Variants in KIF13A observed in about 807,000 individuals in gnomAD.
The protein encoded by KIF13A is kinesin-like protein KIF13A.
KIF13A carries 79 observed loss-of-function variants against 212.2 expected under a neutral mutation model. That is an observed-to-expected ratio of 0.37 (90% confidence interval 0.31 to 0.45). The LOEUF (loss-of-function observed/expected upper bound fraction) is 0.45, where lower values mean the gene tolerates loss of function less well. Ranked by LOEUF, KIF13A falls within the 20% of genes least tolerant of loss-of-function variation. The probability of loss-of-function intolerance (pLI) is 1.00; values close to 1 mark genes in which losing one functional copy is unlikely to be tolerated. For synonymous variants in KIF13A, 789 were observed against 808.6 expected (o/e 0.98, Z 0.41); for missense variants, 1,901 against 2,209.0 (o/e 0.86, Z 2.79).
chr6:17,780,279 T>C (rs1760443539), intron 31 of KIF13A, among the ~76,000 whole-genome samples: 1 of 152,184 alleles, frequency 6.6e-6, no homozygotes, highest in Admixed American at 6.5e-5. Flanking sequence ...TCTCCAGGGC[T>C]TAATCAGTCT....
rs1338865289 is a variant in KIF13A at position 17,871,091 on chromosome 6, T to C, written c.220+2286A>G. ...CCTTGACACATGTCACTTCCTCTTG[T>C]CTGGATGCCTTCTAGGCTTCCCTTT... On this transcript the variant is annotated intron_variant, in intron 4 of 38. Coordinates refer to ENST00000259711, the MANE Select transcript of KIF13A (RefSeq NM_022113.6). This position sits in a 1 kb window ranked among gnomAD's most constrained non-coding sequence, Gnocchi z 4.4. Among the ~76,000 whole-genome samples, 1 of 152,250 alleles carries C rather than the reference T, an allele frequency of 6.6e-6. No homozygotes were observed. Among genetic ancestry groups the C allele is most frequent in the African/African-American group, 2.4e-5 (1 of 41,462 alleles).
chr6:17,770,308 G>A (rs1759372394), intron 38 of KIF13A: 2 of 147,736 alleles, frequency 1.4e-5, no homozygotes, highest in African/African-American at 4.9e-5. Flanking sequence ...ACAGGAGAGT[G>A]AAAGCTGAGA....
rs533953419 is a variant in KIF13A at position 17,851,613 on chromosome 6, C to A, written c.582+342G>T. Among the ~76,000 whole-genome samples the A allele has an allele frequency of 3.9e-5, 6 of 152,328 alleles. No homozygotes were observed. The South Asian group carries it at 8.3e-4, about 21-fold the overall frequency. Reference sequence around the variant, plus strand: ...AGGAGACCCTGCCAAAAAGAAAGGGCTGTACTAACTGCCAAATACTGTTTA... The same window carrying A: ...AGGAGACCCTGCCAAAAAGAAAGGGATGTACTAACTGCCAAATACTGTTTA... On this transcript the variant is annotated intron_variant, in intron 7 of 38. Transcript: ENST00000259711.
At position 17,836,858 on chromosome 6, in the gene KIF13A, G is replaced by C. The variant is rs770276135; in HGVS notation, c.1155+20C>G. 1.2e-6 allele frequency: 2 copies of C among 1,608,658 alleles called. No homozygotes were observed. The highest frequency in any genetic ancestry group is 1.7e-6 in the Non-Finnish European group (2 of 1,175,700). On this transcript the variant is annotated intron_variant, in intron 11 of 38. Transcript: ENST00000259711. ...CAAGCCAGGGAACTTTACCAGCAGG[G>C]AGTACCAGGCTGCTTTTACCTCTGC...
At position 17,926,285 on chromosome 6, in the gene KIF13A, G is replaced by A. The variant is rs535857989; in HGVS notation, c.147-28105C>T. On this transcript the variant is annotated intron_variant, in intron 2 of 38. Coordinates refer to ENST00000259711, the MANE Select transcript of KIF13A (RefSeq NM_022113.6). This position sits in a 1 kb window ranked among gnomAD's most constrained non-coding sequence, Gnocchi z 4.3. ...CTCACTCTGTCACCCAGACTGGAAT[G>A]CAGTGGCACAATCTTGGCTCACTGC... Among the ~76,000 whole-genome samples, 62 of 152,292 alleles carry A rather than the reference G, an allele frequency of 4.1e-4. No homozygotes were observed. The highest frequency in any genetic ancestry group is 7.1e-4 in the Non-Finnish European group (48 of 68,026).
At position 17,951,724 on chromosome 6, in the gene KIF13A, C is replaced by T. The variant is rs1581831109; in HGVS notation, c.146+35330G>A. ...CAATGGAATCATACAATACATGGTT[C>T]CTTATGACTGCTTATTTCACTTAAT... On this transcript the variant is annotated intron_variant, in intron 2 of 38. Coordinates refer to ENST00000259711, the MANE Select transcript of KIF13A (RefSeq NM_022113.6). The surrounding 1 kb of genome is among the most constrained non-coding windows in gnomAD (Gnocchi z 4.9). Among the ~76,000 whole-genome samples the T allele has an allele frequency of 6.6e-6, 1 of 152,218 alleles. No homozygotes were observed. Among genetic ancestry groups the T allele is most frequent in the African/African-American group, 2.4e-5 (1 of 41,530 alleles).
chr6:17,980,358 C>T (rs1056704607), intron 2 of KIF13A, among the ~76,000 whole-genome samples: 7 of 152,114 alleles, frequency 4.6e-5, no homozygotes, highest in Non-Finnish European at 8.8e-5. Flanking sequence ...GAAGGATGTG[C>T]TCTACAAAAT....
chr6:17,976,318 G>A (rs1281757043), intron 2 of KIF13A, among the ~76,000 whole-genome samples: 2 of 152,238 alleles, frequency 1.3e-5, no homozygotes, highest in Non-Finnish European at 1.5e-5. Context: ...GCTGCAGGTC[G>A]CGAGCCCTGC....
intron 4 of KIF13A, among the ~76,000 whole-genome samples, chr6:17,866,190 C>G (rs610901): frequency 0.4 from 60,708 of 152,020 alleles, 12,936 homozygotes; most frequent in East Asian, 0.58. Flanking sequence ...GACAAAGAAG[C>G]AGACCCAACT....
At chr6:17,815,142 G>A (rs533568291) in intron 17 of KIF13A, among the ~76,000 whole-genome samples, 1 of 152,372 alleles carries the variant, frequency 6.6e-6, no homozygotes, top group African/African-American at 2.4e-5. Context: ...CGGAGACAGA[G>A]AGAGGACAGC....
rs1779825040 is a variant in KIF13A, at chr6:17,971,736, T to C, written c.146+15318A>G. The stretch of plus-strand genomic sequence containing the variant: ...CACCACGTCCGGCTTGCTCTTGTTT[T>C]AGTGTGATTACTCGGCATATTTAAA... On this transcript the variant is annotated intron_variant, in intron 2 of 38. Transcript: ENST00000259711. This position sits in a 1 kb window ranked among gnomAD's most constrained non-coding sequence, Gnocchi z 4.2. 6.6e-6 allele frequency among the ~76,000 whole-genome samples: 1 copy of C among 152,200 alleles called. No individual in the cohort carries two copies. The highest frequency in any genetic ancestry group is 6.5e-5 in the Admixed American group (1 of 15,280).
intron 2 of KIF13A, among the ~76,000 whole-genome samples, chr6:17,978,296 TA>T (rs1206744414): frequency 1.3e-5 from 2 of 152,250 alleles, no homozygotes; most frequent in Non-Finnish European, 2.9e-5. Context: ...TGTTGAGTGG[TA>T]AAACACCAAA....
At chr6:17,778,431 A>G (rs1334288413) in intron 33 of KIF13A, among the ~76,000 whole-genome samples, 1 of 152,086 alleles carries the variant, frequency 6.6e-6, no homozygotes, top group Non-Finnish European at 1.5e-5. Flanking sequence ...GAAATGACAT[A>G]TCTTATCTTA....
At position 17,897,800 on chromosome 6, in the gene KIF13A, C is replaced by T. The variant is rs923661843; in HGVS notation, c.159+368G>A. ...CTTACCATAGTTGTTCCTCCACATT[C>T]TAGGCTGTTGATACTGTGCAGTCCC... On this transcript the variant is annotated intron_variant, in intron 3 of 38. Transcript: ENST00000259711. This position sits in a 1 kb window ranked among gnomAD's most constrained non-coding sequence, Gnocchi z 4.8. 1.3e-5 allele frequency among the ~76,000 whole-genome samples: 2 copies of T among 152,202 alleles called. No individual in the cohort carries two copies. The highest frequency in any genetic ancestry group is 4.8e-5 in the African/African-American group (2 of 41,456).
Position 17,768,451 on chromosome 6 carries a change from C to T in KIF13A, c.4581+2663G>A, listed in dbSNP as rs1169657942. On this transcript the variant is annotated intron_variant, in intron 38 of 38. Transcript: ENST00000259711. This position sits in a 1 kb window ranked among gnomAD's most constrained non-coding sequence, Gnocchi z 5.4. Reference sequence around the variant, plus strand: ...GTTTCCTTCATTAATGCAATTTCCACTCCTATTATAATCATGTCGTGCTGT... The same window carrying T: ...GTTTCCTTCATTAATGCAATTTCCATTCCTATTATAATCATGTCGTGCTGT... Among the ~76,000 whole-genome samples, 1 of 152,216 alleles carries T rather than the reference C, an allele frequency of 6.6e-6. No homozygotes were observed. Among genetic ancestry groups the T allele is most frequent in the African/African-American group, 2.4e-5 (1 of 41,466 alleles).
intron 2 of KIF13A, among the ~76,000 whole-genome samples, chr6:17,910,751 G>A (rs77233000): frequency 0.055 from 8,395 of 152,054 alleles, 270 homozygotes; most frequent in Middle Eastern, 0.085. Flanking sequence ...TAAATTCAAG[G>A]TTTTTTTTGG....
chr6:17,877,754 GA>G (rs1196755387), intron 3 of KIF13A, among the ~76,000 whole-genome samples: 1 of 150,608 alleles, frequency 6.6e-6, no homozygotes, highest in South Asian at 2.1e-4. Flanking sequence ...GAATTTCAGT[GA>G]CATGCGTCAT....
rs1466060012 is a variant in KIF13A at position 17,783,469 on chromosome 6, C to T, written c.3544+177G>A. 7.3e-6 allele frequency among the ~76,000 whole-genome samples: 1 copy of T among 136,506 alleles called. No homozygotes were observed. Among genetic ancestry groups the T allele is most frequent in the Non-Finnish European group, 1.7e-5 (1 of 58,298 alleles). 89.6% of individuals were successfully genotyped at this position (136,506 alleles called of 152,430 possible). On this transcript the variant is annotated intron_variant, in intron 29 of 38. Coordinates refer to ENST00000259711, the MANE Select transcript of KIF13A (RefSeq NM_022113.6). This position sits in a 1 kb window ranked among gnomAD's most constrained non-coding sequence, Gnocchi z 4.3. ...GCAGTTCTCAATCACCCTATGTGCT[C>T]TTTTTTTGATTATCCACATATCATG... is the stretch of plus-strand genomic sequence containing the variant.
chr6:17,776,683 T>A lies in KIF13A; in HGVS notation c.4170+594A>T, dbSNP rs1469634766. 6.6e-6 allele frequency among the ~76,000 whole-genome samples: 1 copy of A among 152,234 alleles called. No individual in the cohort carries two copies. Among genetic ancestry groups the A allele is most frequent in the Non-Finnish European group, 1.5e-5 (1 of 68,042 alleles). On this transcript the variant is annotated intron_variant, in intron 34 of 38. Transcript: ENST00000259711. This position sits in a 1 kb window ranked among gnomAD's most constrained non-coding sequence, Gnocchi z 4.6. ...GTGTTTTTCCTTGGAAAGACCTTAC[T>A]TCTACTCAGCTGCTTCTGGGAAGTG...
Sources: gnomAD v4.1 joint callset for allele counts (sites outside exome capture counted in the v4.1 genomes callset) on GRCh38, gnomAD v4.1.1 for gene constraint, Gnocchi (gnomAD v3.1) non-coding constraint, MANE v1.5 for transcripts, NCBI Gene and HGNC (gene_info 2026-07-23, HGNC 2026-07-21) for gene names.